PCDH7: variants seen among roughly 807,000 people sequenced by gnomAD.
PCDH7 encodes the protein protocadherin 7.
A neutral mutation model predicts 58.9 loss-of-function variants in PCDH7; 17 were observed. That is an observed-to-expected ratio of 0.29 (90% confidence interval 0.20 to 0.43). PCDH7 has a LOEUF of 0.43. Among genes scored for constraint, PCDH7 ranks in the 20% least tolerant of loss-of-function variants. The pLI, the probability that PCDH7 is intolerant of heterozygous loss-of-function variation, is 1.00. For missense variants in PCDH7, 1,274 were observed against 1,441.0 expected (o/e 0.88, Z 1.88); for synonymous variants, 664 against 616.4 (o/e 1.08, Z -1.14).
intron 1 of PCDH7, among the ~76,000 whole-genome samples, chr4:30,739,814 C>T (rs1716833651): frequency 6.6e-6 from 1 of 152,158 alleles, no homozygotes; most frequent in Non-Finnish European, 1.5e-5. Flanking sequence ...TGCTTAAGGT[C>T]TATTCCAGGC....
intron 3 of PCDH7, among the ~76,000 whole-genome samples, chr4:31,110,424 G>C (rs912772166): frequency 2.0e-5 from 3 of 152,152 alleles, no homozygotes; most frequent in African/African-American, 7.2e-5. Context: ...ACAATGCAAA[G>C]ATTTTATTTG....
At chr4:31,041,724 A>G (rs952899725) in intron 3 of PCDH7, among the ~76,000 whole-genome samples, 2 of 152,134 alleles carry the variant, frequency 1.3e-5, no homozygotes, top group South Asian at 4.1e-4. Context: ...CAATTTGTTT[A>G]TGTAGCGTTT....
At chr4:30,769,000 G>A (rs1721073828) in intron 1 of PCDH7, among the ~76,000 whole-genome samples, 1 of 152,212 alleles carries the variant, frequency 6.6e-6, no homozygotes, top group Admixed American at 6.5e-5. Flanking sequence ...CAATGATTGT[G>A]TTTCCACTTC....
intron 3 of PCDH7, among the ~76,000 whole-genome samples, chr4:31,029,953 A>G (rs891143635): frequency 6.6e-6 from 1 of 152,174 alleles, no homozygotes; most frequent in Admixed American, 6.5e-5. Flanking sequence ...AAACAAACCC[A>G]CTAGACTAGG....
chr4:30,986,774 A>G (rs1175162576), intron 3 of PCDH7, among the ~76,000 whole-genome samples: 1 of 152,192 alleles, frequency 6.6e-6, no homozygotes, highest in East Asian at 1.9e-4. Context: ...CGAAGTCAAG[A>G]GATTGAGACG....
intron 3 of PCDH7, among the ~76,000 whole-genome samples, chr4:31,083,131 C>CA (rs928253036): frequency 6.6e-6 from 1 of 151,792 alleles, no homozygotes; most frequent in African/African-American, 2.4e-5. Context: ...AAAACAAAAA[C>CA]AAAAAAACTA....
chr4:31,064,975 A>G (rs1470003527), intron 3 of PCDH7, among the ~76,000 whole-genome samples: 3 of 152,030 alleles, frequency 2.0e-5, no homozygotes, highest in Admixed American at 6.6e-5. Flanking sequence ...AAGATTAATC[A>G]TGATTAAAGT....
chr4:31,078,458 T>C (rs1759185615), intron 3 of PCDH7, among the ~76,000 whole-genome samples: 1 of 151,722 alleles, frequency 6.6e-6, no homozygotes, highest in Admixed American at 6.6e-5. Context: ...AACTTTTTTT[T>C]TCTTCCTTTC....
intron 1 of PCDH7, among the ~76,000 whole-genome samples, chr4:30,812,770 G>A (rs1577903498): frequency 6.6e-6 from 1 of 152,098 alleles, no homozygotes; most frequent in South Asian, 2.1e-4. Context: ...AATTTATTTT[G>A]AGTGAATAAC....
At chr4:31,126,508 C>T (rs1302619167) in intron 3 of PCDH7, among the ~76,000 whole-genome samples, 1 of 152,118 alleles carries the variant, frequency 6.6e-6, no homozygotes, top group Non-Finnish European at 1.5e-5. Context: ...TATAGTACTA[C>T]AATAGTGGGA....
rs550113116 is a variant in PCDH7 at position 30,863,112 on chromosome 4, A to G, written c.71-57041A>G. 1.8e-4 allele frequency among the ~76,000 whole-genome samples: 27 copies of G among 152,232 alleles called. No homozygotes were observed. In the East Asian group the frequency reaches 4.1e-3, roughly 23 times the overall value. ...ACTCCAAATTCGTATGTGTTCCGGG[A>G]TCAGAGTACCACTAAGGGAAATTGG... On this transcript the variant is annotated intron_variant, in intron 1 of 3. Transcript: ENST00000509759.
At chr4:30,922,121 T>A (rs181196948) in intron 2 of PCDH7, among the ~76,000 whole-genome samples, 59 of 151,688 alleles carry the variant, frequency 3.9e-4, no homozygotes, top group African/African-American at 1.3e-3. Context: ...AACGTGTAAT[T>A]ACGTATGTGT....
At chr4:31,066,091 TC>T (rs1037319330) in intron 3 of PCDH7, among the ~76,000 whole-genome samples, 2 of 151,914 alleles carry the variant, frequency 1.3e-5, no homozygotes, top group African/African-American at 4.8e-5. Context: ...CATATCAGCC[TC>T]CTCATTTACT....
intron 3 of PCDH7, among the ~76,000 whole-genome samples, chr4:31,053,744 A>G (rs1756935797): frequency 6.6e-6 from 1 of 152,036 alleles, no homozygotes; most frequent in South Asian, 2.1e-4. Flanking sequence ...CCTTTTATGT[A>G]TTTATGCTCT....
intron 1 of PCDH7, among the ~76,000 whole-genome samples, chr4:30,895,555 C>G (rs899135965): frequency 2.0e-5 from 3 of 152,130 alleles, no homozygotes; most frequent in Non-Finnish European, 4.4e-5. Context: ...TCATTTCTTG[C>G]TACCACCAGT....
intron 3 of PCDH7, among the ~76,000 whole-genome samples, chr4:31,050,721 C>T (rs1756665886): frequency 6.6e-6 from 1 of 152,160 alleles, no homozygotes; most frequent in African/African-American, 2.4e-5. Context: ...AATTAAGTTA[C>T]CTCTACTTCT....
chr4:31,029,213 C>T (rs1302795466), intron 3 of PCDH7, among the ~76,000 whole-genome samples: 1 of 152,158 alleles, frequency 6.6e-6, no homozygotes, highest in Non-Finnish European at 1.5e-5. Flanking sequence ...GCATCACAAG[C>T]AACTGTAACC....
chr4:30,947,173 A>T (rs1191970343), intron 2 of PCDH7, among the ~76,000 whole-genome samples: 1 of 152,152 alleles, frequency 6.6e-6, no homozygotes, highest in African/African-American at 2.4e-5. Flanking sequence ...CCATGATCAT[A>T]CATTTTTCCA....
chr4:30,790,268 G>A (rs10006361), intron 1 of PCDH7, among the ~76,000 whole-genome samples: 85,163 of 151,834 alleles, frequency 0.56, 25,017 homozygotes, highest in African/African-American at 0.74. Flanking sequence ...TAATATTCTT[G>A]TTAACCTCCT....
Sources: gnomAD v4.1 joint callset for allele counts (sites outside exome capture counted in the v4.1 genomes callset) on GRCh38, gnomAD v4.1.1 for gene constraint, MANE v1.5 for transcripts, NCBI Gene and HGNC (gene_info 2026-07-23, HGNC 2026-07-21) for gene names.